The following ATP6V1H variants were observed in gnomAD, a reference collection of about 807,000 sequenced individuals.
ATP6V1H encodes the protein ATPase H+ transporting V1 subunit H.
ATP6V1H carries 39 observed loss-of-function variants against 71.7 expected under a neutral mutation model. That is an observed-to-expected ratio of 0.54 (90% CI 0.42 to 0.71). ATP6V1H has a LOEUF of 0.71. Among genes scored for constraint, ATP6V1H ranks in the 30% least tolerant of loss-of-function variants. The pLI is 0.00. For missense variants in ATP6V1H, 509 were observed against 594.9 expected (o/e 0.86, Z 1.50); for synonymous variants, 192 against 199.3 (o/e 0.96, Z 0.31).
chr8:53,770,602 A>G (rs928735932), intron 10 of ATP6V1H, among the ~76,000 whole-genome samples: 26 of 152,224 alleles, frequency 1.7e-4, no homozygotes, highest in African/African-American at 2.7e-4. Flanking sequence ...GTAAACAAGT[A>G]TTTTTAATAT....
chr8:53,833,768 C>T (rs549058484), intron 2 of ATP6V1H, among the ~76,000 whole-genome samples: 1 of 151,970 alleles, frequency 6.6e-6, no homozygotes, highest in Non-Finnish European at 1.5e-5. Context: ...TCCCATCTTC[C>T]CTCCCTCCCA....
rs35983124 is a variant in ATP6V1H at position 53,817,237 on chromosome 8, TAAA to T, written c.420+177_420+179del. On this transcript the variant is annotated intron_variant, in intron 5 of 13. Transcript: ENST00000359530. ...AATAAAAACCTTTCTTCTTTGTATT[TAAA>T]AAAAAAAAAAAATCCAGCTGGGTGC... 2.4e-3 allele frequency among the ~76,000 whole-genome samples: 341 copies of T among 144,390 alleles called. 2 individuals carry two copies. The highest frequency in any genetic ancestry group is 8.2e-3 in the African/African-American group (324 of 39,610). 94.7% of individuals were successfully genotyped at this position (144,390 alleles called of 152,430 possible).
chr8:53,768,835 C>T (rs1206966703), intron 11 of ATP6V1H, among the ~76,000 whole-genome samples: 1 of 152,020 alleles, frequency 6.6e-6, no homozygotes, highest in Non-Finnish European at 1.5e-5. Flanking sequence ...TGAAAATGTT[C>T]TAAACTGATT....
intron 12 of ATP6V1H, among the ~76,000 whole-genome samples, chr8:53,755,718 ATATATATATATATATATATATATATAT>A (rs1563451124): frequency 2.0e-3 from 10 of 5,056 alleles, no homozygotes; most frequent in Non-Finnish European, 2.5e-3. Context: ...ATATATATAT[ATATATATATATATATATATATATATAT>A]TTTTTTTTTT....
rs1236502925 is a variant in ATP6V1H, at chr8:53,755,741, T to A, written c.1277+814A>T. ...ATATATATATATATATATATATATA[T>A]ATATTTTTTTTTTTTTTTTTTTTTT... On this transcript the variant is annotated intron_variant, in intron 12 of 13. Coordinates refer to ENST00000359530, the MANE Select transcript of ATP6V1H (RefSeq NM_015941.4). Among the ~76,000 whole-genome samples, 3 of 2,128 alleles carry A rather than the reference T, an allele frequency of 1.4e-3. 1 individual carries two copies. Among genetic ancestry groups the A allele is most frequent in the East Asian group, 0.026 (2 of 78 alleles). 1.4% of individuals were successfully genotyped at this position (2,128 alleles called of 152,430 possible).
At chr8:53,780,523 A>T (rs1432570988) in intron 9 of ATP6V1H, among the ~76,000 whole-genome samples, 15 of 151,508 alleles carry the variant, frequency 9.9e-5, no homozygotes, top group Admixed American at 9.2e-4. Context: ...AATATGTTAT[A>T]TTTTTTTTTC....
intron 9 of ATP6V1H, among the ~76,000 whole-genome samples, chr8:53,785,329 T>C (rs902370012): frequency 9.2e-5 from 14 of 152,368 alleles, no homozygotes; most frequent in African/African-American, 2.9e-4. Context: ...GTTGATCACA[T>C]TGACTACTGA....
Position 53,747,513 on chromosome 8 carries a change from T to C in ATP6V1H, c.1278-3823A>G, listed in dbSNP as rs114956807. 4.8e-3 allele frequency among the ~76,000 whole-genome samples: 731 copies of C among 151,582 alleles called. 6 individuals are homozygous for C. The highest frequency in any genetic ancestry group is 0.017 in the African/African-American group (694 of 41,262). Reference sequence around the variant, plus strand: ...TTTACTTACCTGACTAAAGGAGGAATAAAGAGAAAGCTCTTTTTTTTTTTT... The same window carrying C: ...TTTACTTACCTGACTAAAGGAGGAACAAAGAGAAAGCTCTTTTTTTTTTTT... On this transcript the variant is annotated intron_variant, in intron 12 of 13. Transcript: ENST00000359530.
rs145423694 is a variant in ATP6V1H at position 53,767,405 on chromosome 8, A to G, written c.1175+2213T>C. ...AAAATTGTTCTAAAAATTAAAGTCT[A>G]TTTTAAAAGTTGTAGTAAAGTATAT... On this transcript the variant is annotated intron_variant, in intron 11 of 13. Coordinates refer to ENST00000359530, the MANE Select transcript of ATP6V1H (RefSeq NM_015941.4). Among the ~76,000 whole-genome samples the G allele has an allele frequency of 2.5e-3, 374 of 152,334 alleles. 1 individual carries two copies. Among genetic ancestry groups the G allele is most frequent in the African/African-American group, 8.8e-3 (364 of 41,578 alleles).
intron 8 of ATP6V1H, among the ~76,000 whole-genome samples, chr8:53,796,958 T>G (rs1170998321): frequency 7.2e-5 from 11 of 152,400 alleles, no homozygotes; most frequent in Non-Finnish European, 1.6e-4. Context: ...GTTCACTAAT[T>G]GTTTTTAATG....
chr8:53,818,365 G>A (rs1173528251), intron 4 of ATP6V1H, among the ~76,000 whole-genome samples: 1 of 152,030 alleles, frequency 6.6e-6, no homozygotes, highest in Non-Finnish European at 1.5e-5. Flanking sequence ...CTTTTTAAAA[G>A]CACAAATAAC....
rs190935965 is a variant in ATP6V1H, at chr8:53,719,989, T to C, written c.1392-3965A>G. 2.6e-3 allele frequency among the ~76,000 whole-genome samples: 397 copies of C among 152,312 alleles called. 6 individuals are homozygous for C. Among genetic ancestry groups the C allele is most frequent in the African/African-American group, 9.1e-3 (380 of 41,552 alleles). On this transcript the variant is annotated intron_variant, in intron 13 of 13. Transcript: ENST00000359530. ...CAAAAGCAAAAACTAGTATAGATTT[T>C]ACCTCAGGGGATAATAATATATCTA...
At position 53,780,667 on chromosome 8, in the gene ATP6V1H, A is replaced by G. The variant is rs182440639; in HGVS notation, c.871-8500T>C. Among the ~76,000 whole-genome samples, 779 of 152,082 alleles carry G rather than the reference A, an allele frequency of 5.1e-3. 6 individuals carry two copies. Among genetic ancestry groups the G allele is most frequent in the African/African-American group, 0.018 (738 of 41,460 alleles). On this transcript the variant is annotated intron_variant, in intron 9 of 13. Transcript: ENST00000359530. Reference sequence around the variant, plus strand: ...TAACTAGTCATTTAGCATTAGGTATATCTCCTAATGGTATCCCTCCCCCAT... The same window carrying G: ...TAACTAGTCATTTAGCATTAGGTATGTCTCCTAATGGTATCCCTCCCCCAT...
At chr8:53,765,457 ACACACACACACACAC>A (rs1414418670) in intron 11 of ATP6V1H, among the ~76,000 whole-genome samples, 1,816 of 11,194 alleles carry the variant, frequency 0.16, 47 homozygotes, top group Admixed American at 0.27. Flanking sequence ...CAACAACAAC[ACACACACACACACAC>A]ACACACACAC....
At chr8:53,784,074 T>C in intron 9 of ATP6V1H, among the ~76,000 whole-genome samples, 1 of 84,626 alleles carries the variant, frequency 1.2e-5, no homozygotes. Flanking sequence ...GGTGCAGAGC[T>C]GAGTTCAATT....
chr8:53,834,000 TACAATA>T (rs1414324539), intron 2 of ATP6V1H, among the ~76,000 whole-genome samples: 1 of 152,108 alleles, frequency 6.6e-6, no homozygotes, highest in Admixed American at 6.5e-5. Flanking sequence ...GACTCAATCA[TACAATA>T]TAGCAAACCC....
intron 6 of ATP6V1H, among the ~76,000 whole-genome samples, chr8:53,811,952 T>A (rs1300300559): frequency 6.6e-6 from 1 of 152,182 alleles, no homozygotes; most frequent in Non-Finnish European, 1.5e-5. Flanking sequence ...AGTTTATTTC[T>A]ATTAGAATCA....
chr8:53,733,500 C>A (rs1807098319), intron 13 of ATP6V1H, among the ~76,000 whole-genome samples: 1 of 152,212 alleles, frequency 6.6e-6, no homozygotes, highest in South Asian at 2.1e-4. Context: ...AGATGGCCTG[C>A]TCCGGCACCT....
intron 11 of ATP6V1H, among the ~76,000 whole-genome samples, chr8:53,765,667 G>A (rs1159124034): frequency 1.3e-5 from 2 of 152,158 alleles, no homozygotes; most frequent in African/African-American, 4.8e-5. Flanking sequence ...ACGTTCACAA[G>A]TAGAAAGACT....
Sources: allele counts gnomAD v4.1 joint callset (sites outside exome capture counted in the v4.1 genomes callset), GRCh38; gene constraint gnomAD v4.1.1; transcripts MANE v1.5; gene names NCBI Gene and HGNC (gene_info 2026-07-23, HGNC 2026-07-21).